The following ZNF346 variants were observed in gnomAD, a reference collection of about 807,000 sequenced individuals.
ZNF346 encodes the protein zinc finger protein 346.
In ZNF346, 23 loss-of-function variants were observed where a neutral mutation model predicts 33.7. The observed-to-expected ratio is 0.68, with a 90% CI of 0.49 to 0.97. ZNF346 has a LOEUF of 0.97. Ranked by LOEUF, ZNF346 falls within the 50% of genes least tolerant of loss-of-function variation. The pLI, the probability that ZNF346 is intolerant of heterozygous loss-of-function variation, is 0.00. For missense variants in ZNF346, 340 were observed against 371.1 expected (o/e 0.92, Z 0.69); for synonymous variants, 134 against 142.4 (o/e 0.94, Z 0.42).
At position 177,067,477 on chromosome 5, in the gene ZNF346, T is replaced by C. The variant is rs1783277068; in HGVS notation, c.*2878T>C. On this transcript the variant is annotated 3_prime_UTR_variant, in exon 7 of 7. Coordinates refer to ENST00000358149, the MANE Select transcript of ZNF346 (RefSeq NM_012279.4). ...CTGCCTCAGCAATTCCCCAGAGTCC[T>C]TCTAAGCCACCTAGTATGTCAGATT... 6.6e-6 allele frequency among the ~76,000 whole-genome samples: 1 copy of C among 152,120 alleles called. No individual in the cohort carries two copies. Among genetic ancestry groups the C allele is most frequent in the Non-Finnish European group, 1.5e-5 (1 of 68,034 alleles).
chr5:177,050,723 A>G (rs533802267), intron 4 of ZNF346, 28 bp from the exon 5 acceptor site: 2 of 1,614,138 alleles, frequency 1.2e-6, no homozygotes, highest in African/African-American at 2.7e-5. Context: ...ACGCCTTACA[A>G]ATCCTTTCCT....
At chr5:177,038,948 A>G (rs1237055342) in intron 1 of ZNF346, among the ~76,000 whole-genome samples, 1 of 145,198 alleles carries the variant, frequency 6.9e-6, no homozygotes, top group Non-Finnish European at 1.5e-5. Flanking sequence ...CTGGAGTGCA[A>G]TGGCACAATC....
At chr5:177,054,268 G>T (rs758858732) in intron 5 of ZNF346, among the ~76,000 whole-genome samples, 1 of 151,824 alleles carries the variant, frequency 6.6e-6, no homozygotes. Flanking sequence ...CTAGAGTCTC[G>T]CCACGTTGCC....
At position 177,041,810 on chromosome 5, in the gene ZNF346, C is replaced by T. The variant is rs560063502; in HGVS notation, c.312C>T (p.Tyr104=). The T allele has an allele frequency of 1.1e-5, 18 of 1,613,474 alleles. No homozygotes were observed. The highest frequency in any genetic ancestry group is 1.4e-5 in the Non-Finnish European group (16 of 1,179,694). ...AACATGCCAACAAAGTGAAGAGATA[C>T]CTAGCAATCCATGGAATGGAGACAT... ...SKKHANKVKR[Y]LAIHGMETLK... The change falls in exon 3 of 7, where the codon TAC becomes TAT. Residue 104 remains tyrosine, a synonymous_variant. Coordinates refer to ENST00000358149, the MANE Select transcript of ZNF346 (RefSeq NM_012279.4).
intron 5 of ZNF346, among the ~76,000 whole-genome samples, chr5:177,051,170 C>CTTTTTTT (rs906484576): frequency 7.4e-4 from 78 of 104,840 alleles, no homozygotes; most frequent in African/African-American, 2.2e-3. Flanking sequence ...GTTTTCTTTT[C>CTTTTTTT]TTTTTTTTTT....
chr5:177,069,592 G>A (rs919886704), downstream of ZNF346, among the ~76,000 whole-genome samples: 4 of 152,112 alleles, frequency 2.6e-5, no homozygotes, highest in Admixed American at 6.5e-5. Context: ...ATGCAGTGGT[G>A]CCATCAAGAC....
In ZNF346 at chr5:177,024,200, C is replaced by CTTTTTTT. The variant is rs781744965; in HGVS notation, c.175+1301_175+1307dup. On this transcript the variant is annotated intron_variant, in intron 1 of 6. Coordinates refer to ENST00000358149, the MANE Select transcript of ZNF346 (RefSeq NM_012279.4). ...CACACTATTTCTGGGGCCCTCTCTC[C>CTTTTTTT]TTTTTTTTTTTTTTTTTTTTGAGAG... is the stretch of plus-strand genomic sequence containing the variant. 2.1e-4 allele frequency among the ~76,000 whole-genome samples: 18 copies of CTTTTTTT among 86,896 alleles called. 1 individual carries two copies. The highest frequency in any genetic ancestry group is 0.016 in the Middle Eastern group (1 of 64). 57.0% of individuals were successfully genotyped at this position (86,896 alleles called of 152,430 possible).
intron 1 of ZNF346, among the ~76,000 whole-genome samples, chr5:177,033,160 C>T (rs994522753): frequency 6.6e-6 from 1 of 152,180 alleles, no homozygotes; most frequent in African/African-American, 2.4e-5. Flanking sequence ...ACCAGAGCCT[C>T]GAACTGCTAG....
intron 1 of ZNF346, among the ~76,000 whole-genome samples, chr5:177,030,781 G>A (rs138727954): frequency 0.011 from 1,743 of 152,156 alleles, 12 homozygotes; most frequent in South Asian, 0.025. Context: ...ATACCTAGGA[G>A]CAATCATCCC....
chr5:177,053,003 G>A (rs1026324514), intron 5 of ZNF346: 5 of 151,352 alleles, frequency 3.3e-5, no homozygotes, highest in African/African-American at 1.2e-4. Context: ...TGAATTCCTT[G>A]TTTTTACCTT....
chr5:177,047,237 C>T (rs1313350883), intron 4 of ZNF346, among the ~76,000 whole-genome samples: 1 of 151,716 alleles, frequency 6.6e-6, no homozygotes, highest in Admixed American at 6.6e-5. Context: ...TTATTAGAGA[C>T]GGGGTTTCAC....
At chr5:177,044,259 A>G in intron 3 of ZNF346, 130 bp from the exon 4 acceptor site, 1 of 979,534 alleles carries the variant, frequency 1.0e-6, no homozygotes, top group Non-Finnish European at 1.5e-6. Flanking sequence ...AGAAGAATCT[A>G]GAAAGTAGGT....
chr5:177,051,621 C>T (rs895487305), intron 5 of ZNF346: 3 of 152,166 alleles, frequency 2.0e-5, no homozygotes, highest in East Asian at 3.9e-4. Flanking sequence ...TCACTGCAGC[C>T]TCCACCTCCT....
intron 4 of ZNF346, among the ~76,000 whole-genome samples, chr5:177,049,110 A>G (rs2149661116): frequency 6.6e-6 from 1 of 152,120 alleles, no homozygotes; most frequent in East Asian, 1.9e-4. Flanking sequence ...TTTACACTCA[A>G]CACCACAAAC....
At chr5:177,034,232 G>T (rs1778149347) in intron 1 of ZNF346, among the ~76,000 whole-genome samples, 1 of 147,742 alleles carries the variant, frequency 6.8e-6, no homozygotes, top group Non-Finnish European at 1.5e-5. Flanking sequence ...TTGAGACAAG[G>T]TCTTGCAGTG....
rs1161874694 is a variant in ZNF346, at chr5:177,065,135, T to C, written c.*536T>C. 1 of 153,550 alleles carries C rather than the reference T, an allele frequency of 6.5e-6. No homozygotes were observed. The highest frequency in any genetic ancestry group is 1.5e-5 in the Non-Finnish European group (1 of 68,702). 9.5% of individuals were successfully genotyped at this position (153,550 alleles called of 1,614,324 possible). ...GCTTTCCTGAGTCTTAGACCAGATA[T>C]GGCCAGTTGCGCAGGTTTCTGCCAA... is the stretch of plus-strand genomic sequence containing the variant. On this transcript the variant is annotated 3_prime_UTR_variant, in exon 7 of 7. Transcript: ENST00000358149.
rs1380148979 is a variant in ZNF346, at chr5:177,022,718, C to T, written c.-21C>T. On this transcript the variant is annotated 5_prime_UTR_variant, in exon 1 of 7. Coordinates refer to ENST00000358149, the MANE Select transcript of ZNF346 (RefSeq NM_012279.4). The stretch of plus-strand genomic sequence containing the variant: ...CCTAGGCGCCTGAGAGGCTCTCTAC[C>T]GGTGAGGGTTTGCGGGGAAGATGGA... 2.0e-6 allele frequency: 3 copies of T among 1,536,518 alleles called. No individual in the cohort carries two copies. The highest frequency in any genetic ancestry group is 8.7e-7 in the Non-Finnish European group (1 of 1,147,642).
At position 177,033,240 on chromosome 5, in the gene ZNF346, A is replaced by G. The variant is rs1325085471; in HGVS notation, c.176-7886A>G. Among the ~76,000 whole-genome samples the G allele has an allele frequency of 2.0e-5, 3 of 151,888 alleles. No individual in the cohort carries two copies. The East Asian group carries it at 5.9e-4, about 30-fold the overall frequency. ...TACAGGCGTGTGCCACCACACCTGG[A>G]TAATTTTTTAATTTTTTTTGTAAAG... is the stretch of plus-strand genomic sequence containing the variant. On this transcript the variant is annotated intron_variant, in intron 1 of 6. Coordinates refer to ENST00000358149, the MANE Select transcript of ZNF346 (RefSeq NM_012279.4).
At chr5:177,037,253 G>T (rs1561980671) in intron 1 of ZNF346, among the ~76,000 whole-genome samples, 1 of 152,094 alleles carries the variant, frequency 6.6e-6, no homozygotes, top group Admixed American at 6.6e-5. Flanking sequence ...GGGTCCCAAG[G>T]CTCAGTCTCT....
Sources: gnomAD v4.1 joint callset for allele counts (sites outside exome capture counted in the v4.1 genomes callset) on GRCh38, gnomAD v4.1.1 for gene constraint, MANE v1.5 for transcripts, NCBI Gene and HGNC (gene_info 2026-07-23, HGNC 2026-07-21) for gene names.